Variants in TAFA2 observed in about 807,000 individuals in gnomAD.
The protein encoded by TAFA2 is chemokine-like protein TAFA-2.
TAFA2 carries 7 observed loss-of-function variants against 18.8 expected under a neutral mutation model. The observed-to-expected ratio is 0.37, with a 90% CI of 0.21 to 0.70. The LOEUF is 0.70. Among genes scored for constraint, TAFA2 ranks in the 30% least tolerant of loss-of-function variants. The pLI is 0.53. For synonymous variants in TAFA2, 60 were observed against 54.2 expected (o/e 1.11, Z -0.47); for missense variants, 122 against 158.1 (o/e 0.77, Z 1.23).
intron 2 of TAFA2, among the ~76,000 whole-genome samples, chr12:61,817,526 C>T (rs1351109147): frequency 6.6e-6 from 1 of 152,062 alleles, no homozygotes; most frequent in Admixed American, 6.6e-5. Context: ...AATTCCTAGA[C>T]AAGAATTTTT....
intron 1 of TAFA2, among the ~76,000 whole-genome samples, chr12:62,149,433 C>G (rs1244745621): frequency 6.6e-6 from 1 of 151,946 alleles, no homozygotes; most frequent in African/African-American, 2.4e-5. Flanking sequence ...CTCCCACATT[C>G]TGAACCGAAA....
intron 1 of TAFA2, among the ~76,000 whole-genome samples, chr12:61,999,643 G>A (rs77269478): frequency 6.6e-6 from 1 of 152,304 alleles, no homozygotes; most frequent in African/African-American, 2.4e-5. Flanking sequence ...ACCTGTGCCT[G>A]TTTCTGTATC....
chr12:62,233,064 C>CTTTTTTTTTTTTTTTTTTTTTTTTTT lies in TAFA2; in HGVS notation c.-130+25698_-130+25699insAAAAAAAAAAAAAAAAAAAAAAAAAA, dbSNP rs1565784732. Among the ~76,000 whole-genome samples the CTTTTTTTTTTTTTTTTTTTTTTTTTT allele has an allele frequency of 2.6e-5, 2 of 78,340 alleles. 1 individual carries two copies. Among genetic ancestry groups the CTTTTTTTTTTTTTTTTTTTTTTTTTT allele is most frequent in the African/African-American group, 1.1e-4 (2 of 18,086 alleles). The allele number at this position is 78,340 out of a possible 152,430, so 51.4% of individuals were successfully genotyped here. A position where few individuals can be genotyped will look rare whatever the true frequency, so the allele number is the denominator to read the frequency against. On this transcript the variant is annotated intron_variant, in intron 1 of 5. Coordinates refer to the TAFA2 transcript ENST00000551619. ...TTTGTCCTCCCAGCAATTTCTGCATCTCTTTTTTTTTTTTTTTTTTTTTTT... is the reference window on the plus strand; with the variant it reads ...TTTGTCCTCCCAGCAATTTCTGCATCTTTTTTTTTTTTTTTTTTTTTTTTTTTCTTTTTTTTTTTTTTTTTTTTTTT...
intron 1 of TAFA2, among the ~76,000 whole-genome samples, chr12:62,209,856 T>A (rs983911856): frequency 6.6e-6 from 1 of 152,224 alleles, no homozygotes; most frequent in African/African-American, 2.4e-5. Flanking sequence ...TTATGACTTA[T>A]AAACTGAGGC....
intron 1 of TAFA2, among the ~76,000 whole-genome samples, chr12:62,088,414 C>T (rs953674150): frequency 2.0e-5 from 3 of 151,910 alleles, no homozygotes; most frequent in African/African-American, 7.3e-5. Context: ...GACAGCAGCA[C>T]GTACAGGAGT....
intron 2 of TAFA2, among the ~76,000 whole-genome samples, chr12:61,808,912 T>C (rs1393733909): frequency 6.6e-6 from 1 of 151,600 alleles, no homozygotes; most frequent in Non-Finnish European, 1.5e-5. Context: ...TTATTAAATG[T>C]ATTATCTATT....
intron 1 of TAFA2, among the ~76,000 whole-genome samples, chr12:62,126,135 A>T (rs1565753305): frequency 6.6e-6 from 1 of 152,256 alleles, no homozygotes; most frequent in East Asian, 1.9e-4. Context: ...TCCATATTTT[A>T]AAAGTCTTTA....
At chr12:61,786,310 A>G (rs141736020) in intron 2 of TAFA2, among the ~76,000 whole-genome samples, 44 of 151,742 alleles carry the variant, frequency 2.9e-4, no homozygotes, top group Non-Finnish European at 5.9e-4. Flanking sequence ...CTGAAAAGCA[A>G]GACTTAGAAA....
intron 4 of TAFA2, among the ~76,000 whole-genome samples, chr12:61,717,597 A>G (rs1869718374): frequency 1.3e-5 from 2 of 152,334 alleles, no homozygotes; most frequent in Admixed American, 1.3e-4. Context: ...ATACTCAGTT[A>G]TCTATTTTAT....
chr12:61,772,114 T>A (rs559930992), intron 2 of TAFA2, among the ~76,000 whole-genome samples: 14 of 151,864 alleles, frequency 9.2e-5, no homozygotes, highest in Non-Finnish European at 2.1e-4. Context: ...CATGTTCACA[T>A]ACTAGAAAAT....
chr12:61,799,198 T>C (rs545044427), intron 2 of TAFA2, among the ~76,000 whole-genome samples: 4 of 152,386 alleles, frequency 2.6e-5, no homozygotes, highest in African/African-American at 4.8e-5. Context: ...AGTCTGTTTA[T>C]ATTACTCATA....
chr12:62,215,057 A>G (rs2062728518), intron 1 of TAFA2, among the ~76,000 whole-genome samples: 1 of 152,224 alleles, frequency 6.6e-6, no homozygotes, highest in Non-Finnish European at 1.5e-5. Context: ...GAAGTTGTGC[A>G]ACTCTCACCT....
At chr12:61,803,228 T>C (rs1012683621) in intron 2 of TAFA2, among the ~76,000 whole-genome samples, 2 of 151,928 alleles carry the variant, frequency 1.3e-5, no homozygotes, top group African/African-American at 4.8e-5. Context: ...GCATGCCTGC[T>C]GTTTCTGCTT....
chr12:62,185,280 G>A (rs1456414400), intron 1 of TAFA2, among the ~76,000 whole-genome samples: 3 of 152,086 alleles, frequency 2.0e-5, no homozygotes, highest in East Asian at 1.9e-4. Context: ...CCTCTGTTTT[G>A]TGGAGGATGA....
chr12:61,984,790 C>T (rs751419192), intron 1 of TAFA2, among the ~76,000 whole-genome samples: 1 of 152,128 alleles, frequency 6.6e-6, no homozygotes, highest in Non-Finnish European at 1.5e-5. Flanking sequence ...GGTTATATAA[C>T]TTGTCCTTAA....
At chr12:61,770,221 C>A (rs980707707) in intron 2 of TAFA2, among the ~76,000 whole-genome samples, 2 of 151,984 alleles carry the variant, frequency 1.3e-5, no homozygotes, top group African/African-American at 2.4e-5. Context: ...ATTAATAAAG[C>A]CTCCAAGAAG....
intron 1 of TAFA2, among the ~76,000 whole-genome samples, chr12:62,006,623 T>C (rs1485323187): frequency 3.3e-5 from 5 of 152,186 alleles, no homozygotes; most frequent in Non-Finnish European, 5.9e-5. Flanking sequence ...AGGGAAATCA[T>C]ACTCAGATGG....
intron 1 of TAFA2, among the ~76,000 whole-genome samples, chr12:62,089,473 T>C (rs552719199): frequency 6.6e-6 from 1 of 152,064 alleles, no homozygotes; most frequent in East Asian, 1.9e-4. Context: ...TAAATTTCAG[T>C]AATTGTTTTT....
intron 1 of TAFA2, among the ~76,000 whole-genome samples, chr12:62,184,486 C>T (rs372569934): frequency 3.0e-5 from 2 of 67,158 alleles, no homozygotes; most frequent in African/African-American, 1.2e-4. Flanking sequence ...TCTGAACACA[C>T]GGGAAAAAAA....
Sources: gnomAD v4.1 joint callset for allele counts (sites outside exome capture counted in the v4.1 genomes callset) on GRCh38, gnomAD v4.1.1 for gene constraint, MANE v1.5 for transcripts, NCBI Gene and HGNC (gene_info 2026-07-23, HGNC 2026-07-21) for gene names.